Variants in CPEB2 observed in about 807,000 individuals in gnomAD.
The protein encoded by CPEB2 is cytoplasmic polyadenylation element-binding protein 2.
Under a neutral mutation model 93.6 loss-of-function variants are expected in CPEB2, and 56 were observed. That is an observed-to-expected ratio of 0.60 (90% CI 0.48 to 0.75). The LOEUF (loss-of-function observed/expected upper bound fraction) is 0.75. CPEB2 is among the 30% of genes least tolerant of loss of function. CPEB2 has a pLI of 0.00. For missense variants in CPEB2, 1,579 were observed against 1,395.1 expected (o/e 1.13, Z -2.10); for synonymous variants, 764 against 586.3 (o/e 1.30, Z -4.38).
At chr4:15,044,158 G>A (rs1444807798) in intron 6 of CPEB2, among the ~76,000 whole-genome samples, 4 of 152,194 alleles carry the variant, frequency 2.6e-5, no homozygotes, top group African/African-American at 9.7e-5. Flanking sequence ...CACTAATACA[G>A]GGGTCAGGAA....
At chr4:15,027,404 T>A (rs533033429) in intron 4 of CPEB2, among the ~76,000 whole-genome samples, 2 of 152,204 alleles carry the variant, frequency 1.3e-5, no homozygotes, top group South Asian at 4.1e-4. Context: ...ACTTTGGATC[T>A]AAGGGTCTTT....
intron 5 of CPEB2, among the ~76,000 whole-genome samples, chr4:15,036,571 A>C (rs774662971): frequency 6.6e-6 from 1 of 152,230 alleles, no homozygotes; most frequent in Non-Finnish European, 1.5e-5. Context: ...AGAGCAATAC[A>C]AAATGATGTA....
chr4:15,023,498 G>T (rs540972714), intron 4 of CPEB2, among the ~76,000 whole-genome samples: 49 of 152,022 alleles, frequency 3.2e-4, no homozygotes, highest in African/African-American at 1.0e-3. Flanking sequence ...AATCATAATT[G>T]ATATTTTGGT....
intron 7 of CPEB2, among the ~76,000 whole-genome samples, 169 bp downstream of exon 7, chr4:15,052,753 T>G (rs1013916762): frequency 6.6e-6 from 1 of 152,198 alleles, no homozygotes; most frequent in African/African-American, 2.4e-5. Flanking sequence ...AATATGAAAG[T>G]AGTTGAACAA....
At chr4:15,054,058 A>G (rs1728496351) in intron 7 of CPEB2, 70 bp from the exon 8 acceptor site, 1 of 986,676 alleles carries the variant, frequency 1.0e-6, no homozygotes, top group Non-Finnish European at 1.5e-6. Flanking sequence ...TCTTCATAGT[A>G]ACAGTACAGA....
chr4:15,004,706 C>G (rs1043384499), intron 1 of CPEB2, among the ~76,000 whole-genome samples: 1 of 151,836 alleles, frequency 6.6e-6, no homozygotes, highest in South Asian at 2.1e-4. Flanking sequence ...GCCCTCCTAG[C>G]TGGCGCACCC....
intron 8 of CPEB2, among the ~76,000 whole-genome samples, chr4:15,057,442 C>T (rs964235799): frequency 1.5e-4 from 23 of 152,082 alleles, no homozygotes; most frequent in African/African-American, 5.6e-4. Context: ...TCCCATTATA[C>T]GATGGAACAG....
chr4:15,004,166 C>A lies in CPEB2; in HGVS notation c.1493C>A (p.Pro498His), dbSNP rs1309101725. The change falls in exon 1 of 12, where the codon CCC (proline) becomes CAC (histidine). Residue 498 changes from proline to histidine, a missense_variant. Transcript: ENST00000538197. ...FGGPFSATAV[P>H]PPPPPAMNIP... Reference sequence around the variant, plus strand: ...GGCCCCTTCTCGGCTACCGCTGTGCCCCCTCCGCCGCCGCCCGCCATGAAT... The same window carrying A: ...GGCCCCTTCTCGGCTACCGCTGTGCACCCTCCGCCGCCGCCCGCCATGAAT... 2 of 1,406,170 alleles carry A rather than the reference C, an allele frequency of 1.4e-6. No homozygotes were observed. The highest frequency in any genetic ancestry group is 3.0e-5 in the Admixed American group (1 of 33,606). 87.1% of individuals were successfully genotyped at this position (1,406,170 alleles called of 1,614,324 possible). A position where few individuals can be genotyped will look rare whatever the true frequency, so the allele number is the denominator to read the frequency against.
chr4:15,052,347 A>G, intron 6 of CPEB2, 67 bp from the exon 7 acceptor site: 2 of 1,109,428 alleles, frequency 1.8e-6, no homozygotes, highest in African/African-American at 1.6e-5. Context: ...TGTCATTGGT[A>G]TTTTTATGCT....
intron 3 of CPEB2, among the ~76,000 whole-genome samples, chr4:15,013,331 T>C (rs1196171939): frequency 6.6e-6 from 1 of 152,054 alleles, no homozygotes; most frequent in African/African-American, 2.4e-5. Flanking sequence ...TATTTTAGAA[T>C]AGATTGCATG....
chr4:15,050,143 G>A (rs1452513713), intron 6 of CPEB2, among the ~76,000 whole-genome samples: 2 of 152,210 alleles, frequency 1.3e-5, no homozygotes, highest in Non-Finnish European at 2.9e-5. Flanking sequence ...CACACAGCAG[G>A]AGGTGAGTGG....
chr4:15,040,329 A>T, intron 5 of CPEB2, 135 bp from the exon 6 acceptor site: 2 of 686,562 alleles, frequency 2.9e-6, no homozygotes, highest in Non-Finnish European at 4.9e-6. Flanking sequence ...TTATATGGTG[A>T]CATTGTCATT....
At chr4:15,010,875 C>A (rs1723378895) in intron 3 of CPEB2, among the ~76,000 whole-genome samples, 1 of 152,028 alleles carries the variant, frequency 6.6e-6, no homozygotes, top group Non-Finnish European at 1.5e-5. Flanking sequence ...GTGTCAAGAG[C>A]TGAACACGTA....
chr4:15,003,102 T>A lies in CPEB2; in HGVS notation c.429T>A (p.Ser143Arg). 1 of 1,531,412 alleles carries A rather than the reference T, an allele frequency of 6.5e-7. No individual in the cohort carries two copies. Among genetic ancestry groups the A allele is most frequent in the Non-Finnish European group, 8.7e-7 (1 of 1,145,508 alleles). 94.9% of individuals were successfully genotyped at this position (1,531,412 alleles called of 1,614,324 possible). ...HLLPSQDFKP[S>R]LHHPSSSSAS... ...TCCCCTCCCAGGACTTCAAACCGAG[T>A]CTGCACCACCCCTCCTCCTCCTCCG... Residue 143 changes from serine (S) to arginine (R), a missense_variant, in exon 1 of 12, where the codon AGT becomes AGA. By Grantham distance (110) the Ser-to-Arg change is moderately radical. Around this residue, in one of 2 missense-constraint regions of CPEB2, gnomAD observed 1,411 missense variants for 1,056.0 expected, o/e 1.34. Transcript: ENST00000538197.
At chr4:15,006,307 C>T (rs1167833342) in intron 1 of CPEB2, 1 of 151,932 alleles carries the variant, frequency 6.6e-6, no homozygotes, top group Non-Finnish European at 1.5e-5. Flanking sequence ...TTTAAGAGAA[C>T]CATATTTATT....
intron 3 of CPEB2, among the ~76,000 whole-genome samples, chr4:15,015,818 A>G (rs1724069542): frequency 6.6e-6 from 1 of 152,048 alleles, no homozygotes; most frequent in Admixed American, 6.6e-5. Flanking sequence ...CAATGAAGAC[A>G]TATGATAAGG....
At chr4:15,035,955 G>A (rs999710397) in intron 5 of CPEB2, among the ~76,000 whole-genome samples, 5 of 152,160 alleles carry the variant, frequency 3.3e-5, no homozygotes, top group Admixed American at 1.3e-4. Flanking sequence ...TTGTTGGGCC[G>A]ATATGGCAAA....
At chr4:15,007,029 C>A (rs189121799) in intron 1 of CPEB2, among the ~76,000 whole-genome samples, 2 of 152,208 alleles carry the variant, frequency 1.3e-5, no homozygotes, top group East Asian at 3.9e-4. Flanking sequence ...ATACAGTTAT[C>A]TCTGAAGGAT....
chr4:15,020,520 T>C (rs1724694249), intron 4 of CPEB2, among the ~76,000 whole-genome samples: 1 of 152,128 alleles, frequency 6.6e-6, no homozygotes, highest in Non-Finnish European at 1.5e-5. Context: ...CCCAAAACAC[T>C]TCACTGCAGC....
Sources: allele counts gnomAD v4.1 joint callset (sites outside exome capture counted in the v4.1 genomes callset), GRCh38; gene constraint gnomAD v4.1.1; regional missense constraint gnomAD v4.1.1; transcripts MANE v1.5; gene names NCBI Gene and HGNC (gene_info 2026-07-23, HGNC 2026-07-21).